KCND2: variants seen among roughly 807,000 people sequenced by gnomAD.
KCND2 encodes the protein A-type voltage-gated potassium channel KCND2.
In KCND2, 16 loss-of-function variants were observed where a neutral mutation model predicts 54.4. That is an observed-to-expected ratio of 0.29 (90% CI 0.20 to 0.45). The LOEUF is 0.45. KCND2 is among the 20% of genes least tolerant of loss of function. The pLI is 1.00. For synonymous variants in KCND2, 317 were observed against 310.7 expected, an observed-to-expected ratio of 1.02 and a Z score of -0.21; for missense variants, 486 against 824.2, an observed-to-expected ratio of 0.59 and a Z score of 5.02.
chr7:120,503,548 T>G (rs2116320239), intron 1 of KCND2, among the ~76,000 whole-genome samples: 1 of 152,150 alleles, frequency 6.6e-6, no homozygotes, highest in Middle Eastern at 3.4e-3. Flanking sequence ...CTCCCTCATA[T>G]TATTTTTCAT....
upstream of KCND2, among the ~76,000 whole-genome samples, chr7:120,273,099 G>C (rs1396684521): frequency 4.6e-5 from 7 of 152,184 alleles, no homozygotes; most frequent in South Asian, 4.1e-4. Flanking sequence ...GTGGGTGGCT[G>C]GGGTGGAGCG....
intron 1 of KCND2, among the ~76,000 whole-genome samples, chr7:120,368,568 A>AT (rs1209439761): frequency 6.6e-6 from 1 of 152,174 alleles, no homozygotes; most frequent in East Asian, 1.9e-4. Flanking sequence ...ATTTGAGAGC[A>AT]TTTTTATTTA....
chr7:120,312,790 A>G (rs529526754), intron 1 of KCND2, among the ~76,000 whole-genome samples: 2 of 152,308 alleles, frequency 1.3e-5, no homozygotes, highest in South Asian at 2.1e-4. Flanking sequence ...TCCTAGAAAT[A>G]ATAGCCACAA....
chr7:120,609,101 G>C (rs1301982848), intron 1 of KCND2, among the ~76,000 whole-genome samples: 2 of 152,042 alleles, frequency 1.3e-5, no homozygotes, highest in Admixed American at 1.3e-4. Flanking sequence ...GTGCAAAACT[G>C]TTCATAATGT....
intron 1 of KCND2, among the ~76,000 whole-genome samples, chr7:120,726,131 C>CA (rs201787855): frequency 0.041 from 6,165 of 150,610 alleles, 183 homozygotes; most frequent in Non-Finnish European, 0.061. Context: ...TTAGCTGATC[C>CA]AAAAAAAAAT....
At chr7:120,374,615 C>T (rs755572094) in intron 1 of KCND2, among the ~76,000 whole-genome samples, 7 of 151,724 alleles carry the variant, frequency 4.6e-5, no homozygotes, top group African/African-American at 9.7e-5. Flanking sequence ...CTTGCTTTAA[C>T]GATTTCCCGT....
chr7:120,462,687 C>T (rs1387879492), intron 1 of KCND2, among the ~76,000 whole-genome samples: 2 of 151,890 alleles, frequency 1.3e-5, no homozygotes, highest in African/African-American at 2.4e-5. Flanking sequence ...TTACCTTATC[C>T]TATATTGTGA....
chr7:120,477,905 G>A (rs1002567300), intron 1 of KCND2, among the ~76,000 whole-genome samples: 9 of 152,100 alleles, frequency 5.9e-5, no homozygotes, highest in African/African-American at 2.2e-4. Flanking sequence ...ACTGGTAAGA[G>A]TTGCTTTCTT....
chr7:120,529,376 TCTC>T (rs1330851160), intron 1 of KCND2, among the ~76,000 whole-genome samples: 3 of 152,150 alleles, frequency 2.0e-5, no homozygotes, highest in Non-Finnish European at 2.9e-5. Context: ...TTCACCCTGT[TCTC>T]CTCTTCTAGA....
intron 1 of KCND2, among the ~76,000 whole-genome samples, chr7:120,377,536 T>G (rs191302917): frequency 1.4e-5 from 2 of 143,282 alleles, no homozygotes; most frequent in East Asian, 4.3e-4. Flanking sequence ...TGTAAATAAT[T>G]GTCATTTCTC....
chr7:120,551,143 T>C (rs1334743039), intron 1 of KCND2, among the ~76,000 whole-genome samples: 9 of 152,224 alleles, frequency 5.9e-5, no homozygotes, highest in African/African-American at 2.2e-4. Context: ...AGAGAGATTC[T>C]CTGGGGAATA....
intron 1 of KCND2, among the ~76,000 whole-genome samples, chr7:120,357,540 G>A (rs1800524210): frequency 6.6e-6 from 1 of 152,040 alleles, no homozygotes; most frequent in Non-Finnish European, 1.5e-5. Context: ...TCCTAGCATT[G>A]TAAGAGATTT....
chr7:120,382,503 A>C (rs1204584798), intron 1 of KCND2, among the ~76,000 whole-genome samples: 2 of 151,854 alleles, frequency 1.3e-5, no homozygotes, highest in Non-Finnish European at 2.9e-5. Context: ...TTTTTGAAAA[A>C]TCTTACTGGC....
intron 1 of KCND2, among the ~76,000 whole-genome samples, chr7:120,452,536 C>A (rs1231370267): frequency 1.3e-5 from 2 of 152,078 alleles, no homozygotes; most frequent in African/African-American, 2.4e-5. Flanking sequence ...GGGAAACCTG[C>A]ACAGGACTAC....
chr7:120,625,710 G>GA (rs1410215203), intron 1 of KCND2, among the ~76,000 whole-genome samples: 1 of 152,090 alleles, frequency 6.6e-6, no homozygotes, highest in Non-Finnish European at 1.5e-5. Flanking sequence ...TTTGAATTGT[G>GA]AAATCTGACT....
intron 1 of KCND2, among the ~76,000 whole-genome samples, chr7:120,616,887 C>T (rs1164377799): frequency 1.3e-5 from 2 of 152,144 alleles, no homozygotes; most frequent in Non-Finnish European, 2.9e-5. Flanking sequence ...TCCTTCTCTG[C>T]CCTCTGTGTT....
At chr7:120,590,234 G>T (rs756168381) in intron 1 of KCND2, among the ~76,000 whole-genome samples, 3 of 152,112 alleles carry the variant, frequency 2.0e-5, no homozygotes, top group Non-Finnish European at 4.4e-5. Context: ...GGCCCCGCTG[G>T]TCTCGAACTC....
intron 1 of KCND2, among the ~76,000 whole-genome samples, chr7:120,292,300 C>G (rs560520009): frequency 6.6e-6 from 1 of 151,260 alleles, no homozygotes; most frequent in Non-Finnish European, 1.5e-5. Context: ...TTTTAAGTGC[C>G]CATGCTGTCT....
chr7:120,273,320 C>T lies in KCND2; in HGVS notation c.-1313C>T, dbSNP rs1183409877. Reference sequence around the variant, plus strand: ...GCAGCTAGCAGCCCTCCCGCGCCCCCGCGCTGCCGAGCGCCTTCTGCCTCC... The same window carrying T: ...GCAGCTAGCAGCCCTCCCGCGCCCCTGCGCTGCCGAGCGCCTTCTGCCTCC... On this transcript the variant is annotated 5_prime_UTR_variant, in exon 1 of 6. Transcript: ENST00000331113. Among the ~76,000 whole-genome samples, 2 of 150,610 alleles carry T rather than the reference C, an allele frequency of 1.3e-5. No individual in the cohort carries two copies. Among genetic ancestry groups the T allele is most frequent in the Admixed American group, 6.6e-5 (1 of 15,142 alleles).
Sources: gnomAD v4.1 joint callset for allele counts (sites outside exome capture counted in the v4.1 genomes callset) on GRCh38, gnomAD v4.1.1 for gene constraint, MANE v1.5 for transcripts, NCBI Gene and HGNC (gene_info 2026-07-23, HGNC 2026-07-21) for gene names.